Variants in PRIMA1 observed in about 807,000 individuals in gnomAD.
PRIMA1 encodes the protein proline-rich membrane anchor 1.
A neutral mutation model predicts 17.5 loss-of-function variants in PRIMA1; 7 were observed. That is an observed-to-expected ratio of 0.40 (90% CI 0.23 to 0.75). PRIMA1 has a LOEUF of 0.75. PRIMA1 is among the 30% of genes least tolerant of loss of function. PRIMA1 has a pLI of 0.37. For missense variants in PRIMA1, 200 were observed against 201.8 expected, an observed-to-expected ratio of 0.99 and a Z score of 0.05; for synonymous variants, 97 against 77.9, an observed-to-expected ratio of 1.25 and a Z score of -1.29.
intron 3 of PRIMA1, among the ~76,000 whole-genome samples, chr14:93,751,761 G>A (rs988633179): frequency 6.6e-6 from 1 of 152,192 alleles, no homozygotes; most frequent in Non-Finnish European, 1.5e-5. Flanking sequence ...GTTAAAAAAG[G>A]AATAAACCTG....
chr14:93,729,786 T>C (rs2076101883), intron 4 of PRIMA1, among the ~76,000 whole-genome samples: 2 of 152,220 alleles, frequency 1.3e-5, no homozygotes, highest in South Asian at 4.2e-4. Context: ...GAGTGTGTTA[T>C]GCGCAGGTGG....
chr14:93,775,474 T>TTTTTGTTTG (rs1359817297), intron 3 of PRIMA1, among the ~76,000 whole-genome samples: 1 of 152,192 alleles, frequency 6.6e-6, no homozygotes, highest in Non-Finnish European at 1.5e-5. Context: ...GCACTTGTTT[T>TTTTTGTTTG]TTTTGTTTGT....
At chr14:93,725,596 T>G (rs2076070310) in intron 4 of PRIMA1, among the ~76,000 whole-genome samples, 1 of 152,170 alleles carries the variant, frequency 6.6e-6, no homozygotes, top group South Asian at 2.1e-4. Flanking sequence ...CTACATAGCC[T>G]CTCTATGCCT....
At chr14:93,783,429 C>A (rs1448702052) in intron 2 of PRIMA1, among the ~76,000 whole-genome samples, 1 of 152,218 alleles carries the variant, frequency 6.6e-6, no homozygotes, top group Non-Finnish European at 1.5e-5. Flanking sequence ...GCTGGTTCCA[C>A]TTGGGGGTTC....
intron 3 of PRIMA1, among the ~76,000 whole-genome samples, chr14:93,762,450 G>C (rs1272377741): frequency 1.3e-5 from 2 of 151,646 alleles, no homozygotes; most frequent in African/African-American, 4.9e-5. Flanking sequence ...CCAGGGAAAA[G>C]GGTCCAGCTA....
intron 3 of PRIMA1, among the ~76,000 whole-genome samples, chr14:93,774,109 A>G (rs2141189718): frequency 6.6e-6 from 1 of 152,302 alleles, no homozygotes; most frequent in Non-Finnish European, 1.5e-5. Context: ...AAGAAAAAAA[A>G]TTCATAGTAA....
In PRIMA1 at chr14:93,739,688, T is replaced by G. The variant is rs546577766; in HGVS notation, c.230-2318A>C. Among the ~76,000 whole-genome samples, 134 of 152,292 alleles carry G rather than the reference T, an allele frequency of 8.8e-4. 4 individuals carry two copies. Among genetic ancestry groups the G allele is most frequent in the Admixed American group, 8.0e-3 (122 of 15,310 alleles). On this transcript the variant is annotated intron_variant, in intron 3 of 4. Transcript: ENST00000393140. Reference sequence around the variant, plus strand: ...TTAGGAGATCCAGGGAGCCACTATGTGCTTCCTAGTGAACCAGCACCGAAA... The same window carrying G: ...TTAGGAGATCCAGGGAGCCACTATGGGCTTCCTAGTGAACCAGCACCGAAA...
chr14:93,771,452 GCT>G (rs1367322748), intron 3 of PRIMA1, among the ~76,000 whole-genome samples: 1 of 152,138 alleles, frequency 6.6e-6, no homozygotes, highest in Non-Finnish European at 1.5e-5. Context: ...AGAGTGAACA[GCT>G]CCATCTGAGG....
Position 93,787,668 on chromosome 14 carries a change from C to T in PRIMA1, c.51G>A (p.Leu17=). 1 of 1,543,962 alleles carries T rather than the reference C, an allele frequency of 6.5e-7. No individual in the cohort carries two copies. The highest frequency in any genetic ancestry group is 8.7e-7 in the Non-Finnish European group (1 of 1,146,804). ...VLRRGCCWSS[L]LLHCALHPLW... is the part of the protein sequence containing the mutation. The stretch of plus-strand genomic sequence containing the variant: ...GCGGGTGGAGCGCGCAGTGCAGCAG[C>T]AGCGAGGACCAGCAGCAGCCACGGC... The change falls in exon 2 of 5, where the codon CTG becomes CTA. Residue 17 remains leucine (L), a synonymous_variant. Transcript: ENST00000393140.
Position 93,726,711 on chromosome 14 carries a change from A to T in PRIMA1, c.360-5165T>A, listed in dbSNP as rs114470105. On this transcript the variant is annotated intron_variant, in intron 4 of 4. Coordinates refer to ENST00000393140, the MANE Select transcript of PRIMA1 (RefSeq NM_178013.4). The surrounding 1 kb of genome is among the most constrained non-coding windows in gnomAD (Gnocchi z 4.2). ...TACATATGCACAAACCCATACAAAC[A>T]TGTACTTACACACACACATATATGT... Among the ~76,000 whole-genome samples, 2,090 of 152,132 alleles carry T rather than the reference A, an allele frequency of 0.014. 46 individuals carry two copies. Among genetic ancestry groups the T allele is most frequent in the African/African-American group, 0.048 (1,994 of 41,440 alleles).
Position 93,762,542 on chromosome 14 carries a change from C to T in PRIMA1, c.229+16634G>A, listed in dbSNP as rs573076756. ...CTCAGAAGTACAGTAGGCTCCCATC[C>T]GGAACCCAACCATTCTCACATCCCC... On this transcript the variant is annotated intron_variant, in intron 3 of 4. Coordinates refer to ENST00000393140, the MANE Select transcript of PRIMA1 (RefSeq NM_178013.4). 5.9e-5 allele frequency among the ~76,000 whole-genome samples: 9 copies of T among 152,214 alleles called. No homozygotes were observed. The South Asian group carries it at 8.3e-4, about 14-fold the overall frequency.
intron 2 of PRIMA1, among the ~76,000 whole-genome samples, chr14:93,781,067 C>T (rs11627351): frequency 0.36 from 54,584 of 152,130 alleles, 11,742 homozygotes; most frequent in Non-Finnish European, 0.49. Flanking sequence ...GGGTAATGTC[C>T]GCTGGGGTGG....
intron 3 of PRIMA1, among the ~76,000 whole-genome samples, chr14:93,773,142 G>A (rs1003125215): frequency 6.6e-6 from 1 of 152,228 alleles, no homozygotes; most frequent in African/African-American, 2.4e-5. Context: ...CAGGAAGCCA[G>A]GCTCTGAGCC....
rs112117788 is a variant in PRIMA1 at position 93,739,242 on chromosome 14, G to A, written c.230-1872C>T. 6.2e-3 allele frequency among the ~76,000 whole-genome samples: 948 copies of A among 152,080 alleles called. 12 individuals are homozygous for A. The highest frequency in any genetic ancestry group is 0.021 in the African/African-American group (882 of 41,480). Reference sequence around the variant, plus strand: ...TAATTTTGTATTTTTAGTAGAGACGGGGTTTCTCCATGTTGGTCAGGCTGG... The same window carrying A: ...TAATTTTGTATTTTTAGTAGAGACGAGGTTTCTCCATGTTGGTCAGGCTGG... On this transcript the variant is annotated intron_variant, in intron 3 of 4. Transcript: ENST00000393140.
chr14:93,746,954 G>C (rs1238539978), intron 3 of PRIMA1, among the ~76,000 whole-genome samples: 1 of 152,178 alleles, frequency 6.6e-6, no homozygotes, highest in Non-Finnish European at 1.5e-5. Flanking sequence ...GTGGAGGTCA[G>C]GTGTGAAGTC....
At chr14:93,766,734 AC>A (rs139543597) in intron 3 of PRIMA1, among the ~76,000 whole-genome samples, 23,982 of 152,072 alleles carry the variant, frequency 0.16, 2,111 homozygotes, top group East Asian at 0.26. Context: ...CCCAGCAAAG[AC>A]CCCTTGCAGA....
In PRIMA1 at chr14:93,772,114, C is replaced by T. The variant is rs140221998; in HGVS notation, c.229+7062G>A. On this transcript the variant is annotated intron_variant, in intron 3 of 4. Transcript: ENST00000393140. ...AACAGTACTGGAAACTAAGTATTGG[C>T]TTCTTTCTAGTGTCCTGGGTGGGTA... Among the ~76,000 whole-genome samples the T allele has an allele frequency of 3.3e-5, 5 of 152,328 alleles. No homozygotes were observed. The East Asian group carries it at 5.8e-4, about 18-fold the overall frequency.
Position 93,718,604 on chromosome 14 carries a change from T to C in PRIMA1, c.*2840A>G, listed in dbSNP as rs986632161. 7.2e-5 allele frequency: 11 copies of C among 152,176 alleles called. No individual in the cohort carries two copies. The highest frequency in any genetic ancestry group is 2.7e-4 in the African/African-American group (11 of 41,280). 9.4% of individuals were successfully genotyped at this position (152,176 alleles called of 1,614,324 possible). A position where few individuals can be genotyped will look rare whatever the true frequency, so the allele number is the denominator to read the frequency against. On this transcript the variant is annotated 3_prime_UTR_variant, in exon 5 of 5. Coordinates refer to ENST00000393140, the MANE Select transcript of PRIMA1 (RefSeq NM_178013.4). ...CCTGGGCAGTTTAACTCATACTTTGTACAGATGCAGAGAGTACAGTAGTTG... is the reference window on the plus strand; with the variant it reads ...CCTGGGCAGTTTAACTCATACTTTGCACAGATGCAGAGAGTACAGTAGTTG...
intron 3 of PRIMA1, among the ~76,000 whole-genome samples, chr14:93,749,108 G>A (rs1431998997): frequency 6.6e-6 from 1 of 152,178 alleles, no homozygotes; most frequent in African/African-American, 2.4e-5. Flanking sequence ...CTCTCTTTTA[G>A]TAGCTGCATT....
Sources: gnomAD v4.1 joint callset for allele counts (sites outside exome capture counted in the v4.1 genomes callset) on GRCh38, gnomAD v4.1.1 for gene constraint, Gnocchi (gnomAD v3.1) non-coding constraint, MANE v1.5 for transcripts, NCBI Gene and HGNC (gene_info 2026-07-23, HGNC 2026-07-21) for gene names.